Variants in PAK5 observed in about 807,000 individuals in gnomAD.
PAK5 encodes serine/threonine-protein kinase PAK 5.
A neutral mutation model predicts 65.9 loss-of-function variants in PAK5; 16 were observed. The observed-to-expected ratio is 0.24, with a 90% CI of 0.16 to 0.37. The LOEUF (loss-of-function observed/expected upper bound fraction) is 0.37. Among genes scored for constraint, PAK5 ranks in the 10% least tolerant of loss-of-function variants. PAK5 has a pLI of 1.00. For synonymous variants in PAK5, 371 were observed against 354.9 expected (o/e 1.05, Z -0.51); for missense variants, 785 against 903.9 (o/e 0.87, Z 1.69).
intron 2 of PAK5, among the ~76,000 whole-genome samples, chr20:9,661,163 A>C (rs1219563593): frequency 6.6e-6 from 1 of 152,210 alleles, no homozygotes; most frequent in Middle Eastern, 3.4e-3. Context: ...TTGTTTAATT[A>C]CTTAATCTAA....
chr20:9,820,846 A>G (rs1163599353), intron 1 of PAK5, among the ~76,000 whole-genome samples: 3 of 129,478 alleles, frequency 2.3e-5, no homozygotes, highest in Non-Finnish European at 3.3e-5. Context: ...ACCAGGGAAG[A>G]GCAGAACTGT....
In PAK5 at chr20:9,538,978, C is replaced by T. The variant is rs1160781859; in HGVS notation, c.*484G>A. ...AACTGATACAATGGCTACATGACAT[C>T]AAAGTACTATAAATTATCAAAACTA... On this transcript the variant is annotated 3_prime_UTR_variant, in exon 10 of 10. Transcript: ENST00000353224. 4.3e-6 allele frequency: 1 copy of T among 232,676 alleles called. No individual in the cohort carries two copies. The highest frequency in any genetic ancestry group is 8.5e-6 in the Non-Finnish European group (1 of 117,690). 14.4% of individuals were successfully genotyped at this position (232,676 alleles called of 1,614,324 possible). A position where few individuals can be genotyped will look rare whatever the true frequency, so the allele number is the denominator to read the frequency against.
intron 3 of PAK5, among the ~76,000 whole-genome samples, chr20:9,620,480 T>C (rs2046748491): frequency 6.6e-6 from 1 of 152,216 alleles, no homozygotes; most frequent in African/African-American, 2.4e-5. Context: ...CTGGGGCTGA[T>C]GGGCAGTTGG....
At chr20:9,623,915 T>C (rs2046805985) in intron 3 of PAK5, among the ~76,000 whole-genome samples, 1 of 152,200 alleles carries the variant, frequency 6.6e-6, no homozygotes, top group African/African-American at 2.4e-5. Context: ...ATGGTGAGAA[T>C]GTAAGGTGTG....
chr20:9,569,513 A>G (rs1041949063), intron 4 of PAK5, among the ~76,000 whole-genome samples: 20 of 152,174 alleles, frequency 1.3e-4, no homozygotes, highest in Admixed American at 5.9e-4. Context: ...TGTAGAAAGG[A>G]AACTAAGGAA....
chr20:9,787,134 T>C (rs1661931303), intron 1 of PAK5, among the ~76,000 whole-genome samples: 1 of 152,178 alleles, frequency 6.6e-6, no homozygotes, highest in Non-Finnish European at 1.5e-5. Context: ...TAAATTCACA[T>C]ATACTCTTAC....
chr20:9,568,206 G>A (rs2045716064), intron 4 of PAK5, among the ~76,000 whole-genome samples: 1 of 152,220 alleles, frequency 6.6e-6, no homozygotes, highest in African/African-American at 2.4e-5. Flanking sequence ...TCTGGCTGCT[G>A]GAGGAGAGAC....
chr20:9,770,894 TA>T (rs1485880759), intron 1 of PAK5, among the ~76,000 whole-genome samples: 1 of 152,156 alleles, frequency 6.6e-6, no homozygotes, highest in African/African-American at 2.4e-5. Flanking sequence ...ATAGTTACTC[TA>T]TTGTTCATGG....
At chr20:9,745,348 C>G (rs2048494666) in intron 1 of PAK5, among the ~76,000 whole-genome samples, 2 of 151,734 alleles carry the variant, frequency 1.3e-5, no homozygotes, top group African/African-American at 4.8e-5. Flanking sequence ...TCACATTCGA[C>G]ATATCACCAA....
chr20:9,631,336 C>T (rs1245093211), intron 3 of PAK5, among the ~76,000 whole-genome samples: 1 of 152,140 alleles, frequency 6.6e-6, no homozygotes, highest in Non-Finnish European at 1.5e-5. Flanking sequence ...TGGAATGTCA[C>T]TCTCATGGTT....
Position 9,620,947 on chromosome 20 carries a change from AAGAGAGAGAGAAAG to A in PAK5, c.204+23164_204+23177del, listed in dbSNP as rs2046756608. Among the ~76,000 whole-genome samples, 11 of 73,478 alleles carry A rather than the reference AAGAGAGAGAGAAAG, an allele frequency of 1.5e-4. No homozygotes were observed. In the South Asian group the frequency reaches 5.9e-3, roughly 40 times the overall value. The allele number at this position is 73,478 out of a possible 152,430, so 48.2% of individuals were successfully genotyped here. ...ACCAAAGGTATCCAGCAGCCAGAGAAAGAGAGAGAGAAAGAGAGAGAGAGAGAGAGAGAGAGAGA... is the reference window on the plus strand; with the variant it reads ...ACCAAAGGTATCCAGCAGCCAGAGAAAGAGAGAGAGAGAGAGAGAGAGAGA... On this transcript the variant is annotated intron_variant, in intron 3 of 9. Transcript: ENST00000353224.
At chr20:9,748,870 A>G (rs1255219176) in intron 1 of PAK5, among the ~76,000 whole-genome samples, 1 of 152,170 alleles carries the variant, frequency 6.6e-6, no homozygotes, top group Non-Finnish European at 1.5e-5. Context: ...ATTCAATTTC[A>G]AATAGCCACA....
intron 1 of PAK5, among the ~76,000 whole-genome samples, chr20:9,779,310 G>A (rs2048917385): frequency 6.6e-6 from 1 of 150,900 alleles, no homozygotes; most frequent in Admixed American, 6.6e-5. Flanking sequence ...GCTGTGCATG[G>A]CTCTTCATGA....
chr20:9,723,025 C>G (rs2048235973), intron 1 of PAK5, among the ~76,000 whole-genome samples: 1 of 152,124 alleles, frequency 6.6e-6, no homozygotes, highest in South Asian at 2.1e-4. Flanking sequence ...AGCCACCGTG[C>G]CTGGTGTCTG....
intron 1 of PAK5, among the ~76,000 whole-genome samples, chr20:9,740,485 G>T (rs559161782): frequency 7.2e-5 from 11 of 152,220 alleles, no homozygotes; most frequent in African/African-American, 2.6e-4. Flanking sequence ...CATTGCAGTG[G>T]CTCCCCAAAA....
chr20:9,699,866 C>T lies in PAK5; in HGVS notation c.-12+11420G>A, dbSNP rs555943334. Among the ~76,000 whole-genome samples, 13 of 152,158 alleles carry T rather than the reference C, an allele frequency of 8.5e-5. No individual in the cohort carries two copies. The East Asian group carries it at 9.7e-4, about 11-fold the overall frequency. On this transcript the variant is annotated intron_variant, in intron 2 of 9. Transcript: ENST00000353224. ...TTGGAAGGGTGGACCTTCAAGCACC[C>T]GGTCCCCTCATGCCTATGGCAAATG...
chr20:9,677,567 G>C (rs561593302), intron 2 of PAK5, among the ~76,000 whole-genome samples: 8 of 152,310 alleles, frequency 5.3e-5, no homozygotes, highest in Admixed American at 2.0e-4. Context: ...TTTACTTGTA[G>C]ATAAAAGTCT....
chr20:9,697,058 G>A (rs1320407747), intron 2 of PAK5, among the ~76,000 whole-genome samples: 1 of 152,034 alleles, frequency 6.6e-6, no homozygotes, highest in Admixed American at 6.6e-5. Flanking sequence ...TATTATTTTA[G>A]CACAAAATGA....
At chr20:9,619,887 T>G (rs1600153957) in intron 3 of PAK5, among the ~76,000 whole-genome samples, 1 of 152,334 alleles carries the variant, frequency 6.6e-6, no homozygotes, top group East Asian at 1.9e-4. Context: ...CAGACAATCA[T>G]CAGTGCTCTC....
Sources: allele counts gnomAD v4.1 joint callset (sites outside exome capture counted in the v4.1 genomes callset), GRCh38; gene constraint gnomAD v4.1.1; transcripts MANE v1.5; gene names NCBI Gene and HGNC (gene_info 2026-07-23, HGNC 2026-07-21).